Variants in NIM1K observed in about 807,000 individuals in gnomAD.
The protein encoded by NIM1K is NIM1 serine/threonine protein kinase.
A neutral mutation model predicts 37.1 loss-of-function variants in NIM1K; 35 were observed. The ratio of observed to expected loss-of-function variants is 0.94; its 90% CI spans 0.72 to 1.25. NIM1K has a LOEUF of 1.25. NIM1K is among the 50% of genes most tolerant of loss of function. The probability of loss-of-function intolerance (pLI) is 0.00; values close to 1 mark genes in which losing one functional copy is unlikely to be tolerated. For missense variants in NIM1K, 564 were observed against 548.0 expected (o/e 1.03, Z -0.29); for synonymous variants, 234 against 206.6 (o/e 1.13, Z -1.14).
At chr5:43,259,105 C>T (rs1266226519) in intron 2 of NIM1K, among the ~76,000 whole-genome samples, 1 of 152,156 alleles carries the variant, frequency 6.6e-6, no homozygotes, top group Non-Finnish European at 1.5e-5. Flanking sequence ...TTTTTCATAG[C>T]TGAGTAGTAT....
chr5:43,249,931 C>T (rs1044618587), intron 2 of NIM1K, among the ~76,000 whole-genome samples: 1 of 144,184 alleles, frequency 6.9e-6, no homozygotes, highest in Non-Finnish European at 1.5e-5. Context: ...TGGCTCACTG[C>T]AAGCTCTGCC....
intron 2 of NIM1K, among the ~76,000 whole-genome samples, chr5:43,261,693 G>A (rs987920423): frequency 5.3e-5 from 8 of 152,036 alleles, no homozygotes; most frequent in Admixed American, 4.6e-4. Flanking sequence ...CCATGCCTAT[G>A]TCCTGAATGG....
intron 2 of NIM1K, among the ~76,000 whole-genome samples, chr5:43,251,071 T>C (rs988109886): frequency 4.6e-5 from 7 of 152,236 alleles, no homozygotes; most frequent in African/African-American, 1.7e-4. Context: ...ACATGACATA[T>C]AGTAACCACT....
chr5:43,267,253 G>A (rs184664673), intron 2 of NIM1K, among the ~76,000 whole-genome samples: 1 of 152,270 alleles, frequency 6.6e-6, no homozygotes, highest in Admixed American at 6.5e-5. Flanking sequence ...GAATAGAGAT[G>A]TTCATAGTAA....
chr5:43,267,398 A>T (rs1215163090), intron 2 of NIM1K, among the ~76,000 whole-genome samples: 1 of 152,146 alleles, frequency 6.6e-6, no homozygotes, highest in East Asian at 1.9e-4. Flanking sequence ...ATCTTTTCAA[A>T]GAACCAACTT....
At position 43,215,794 on chromosome 5, in the gene NIM1K, A is replaced by G. The variant is rs1199220169; in HGVS notation, c.-695+23383A>G. Among the ~76,000 whole-genome samples, 3 of 152,192 alleles carry G rather than the reference A, an allele frequency of 2.0e-5. No individual in the cohort carries two copies. In the East Asian group the frequency reaches 5.8e-4, roughly 29 times the overall value. On this transcript the variant is annotated intron_variant, in intron 1 of 3. Coordinates refer to ENST00000326035, the MANE Select transcript of NIM1K (RefSeq NM_153361.4). ...TTCCCAAGCCAAGTAGACCTGCATGAGCTTTGACTTCATGATTCTTGTTCT... is the reference window on the plus strand; with the variant it reads ...TTCCCAAGCCAAGTAGACCTGCATGGGCTTTGACTTCATGATTCTTGTTCT...
chr5:43,207,136 T>C, intron 1 of NIM1K: 2 of 722,720 alleles, frequency 2.8e-6, no homozygotes, highest in Non-Finnish European at 5.2e-6. Flanking sequence ...CTTATCAAAA[T>C]ATAAAAATTC....
At chr5:43,223,104 A>AGC (rs1252696764) in intron 1 of NIM1K, among the ~76,000 whole-genome samples, 1 of 143,570 alleles carries the variant, frequency 7.0e-6, no homozygotes, top group Non-Finnish European at 1.5e-5. Context: ...GTGCCACTGC[A>AGC]CTCCAGCCGT....
intron 2 of NIM1K, among the ~76,000 whole-genome samples, chr5:43,273,226 T>C (rs923807849): frequency 6.6e-6 from 1 of 150,576 alleles, no homozygotes; most frequent in African/African-American, 2.5e-5. Context: ...TTTTTTGAGG[T>C]GGAGTCTCAC....
At chr5:43,261,451 G>A (rs186678498) in intron 2 of NIM1K, among the ~76,000 whole-genome samples, 473 of 152,124 alleles carry the variant, frequency 3.1e-3, no homozygotes, top group Non-Finnish European at 5.6e-3. Context: ...TTTTTGATGC[G>A]GTTGCTTGTT....
chr5:43,255,929 G>GT (rs1199306830), intron 2 of NIM1K, among the ~76,000 whole-genome samples: 3 of 151,570 alleles, frequency 2.0e-5, no homozygotes, highest in Non-Finnish European at 2.9e-5. Flanking sequence ...CGTAGCAGGC[G>GT]TAAGAGTGTC....
intron 1 of NIM1K, among the ~76,000 whole-genome samples, chr5:43,219,784 G>A (rs888197516): frequency 4.0e-5 from 6 of 151,840 alleles, no homozygotes; most frequent in African/African-American, 1.2e-4. Context: ...GTGCAATGGT[G>A]CAGTCTTAGC....
Position 43,228,657 on chromosome 5 carries a change from T to G in NIM1K, c.-694-16425T>G, listed in dbSNP as rs557277831. The stretch of plus-strand genomic sequence containing the variant: ...CTGGCCAACATGGCAAAACCCTGTC[T>G]CTACAAAAAAAAAAACCCTAAAAAT... On this transcript the variant is annotated intron_variant, in intron 1 of 3. Transcript: ENST00000326035. Among the ~76,000 whole-genome samples, 272 of 146,056 alleles carry G rather than the reference T, an allele frequency of 1.9e-3. 1 individual carries two copies. Among genetic ancestry groups the G allele is most frequent in the African/African-American group, 6.6e-3 (268 of 40,324 alleles).
At chr5:43,197,112 A>G (rs1034919917) in intron 1 of NIM1K, among the ~76,000 whole-genome samples, 2 of 149,758 alleles carry the variant, frequency 1.3e-5, no homozygotes, top group Non-Finnish European at 3.0e-5. Context: ...TCAATTTTGG[A>G]CAGAATCTAT....
chr5:43,244,108 A>G (rs1030174298), intron 1 of NIM1K, among the ~76,000 whole-genome samples: 1 of 152,218 alleles, frequency 6.6e-6, no homozygotes, highest in Non-Finnish European at 1.5e-5. Flanking sequence ...AACCTTAAGT[A>G]TAAGCTTAGG....
chr5:43,222,981 A>G (rs1752402881), intron 1 of NIM1K, among the ~76,000 whole-genome samples: 1 of 151,886 alleles, frequency 6.6e-6, no homozygotes, highest in Non-Finnish European at 1.5e-5. Context: ...TCTACTAAAA[A>G]TACAAAAATT....
intron 2 of NIM1K, among the ~76,000 whole-genome samples, chr5:43,256,273 A>G (rs1447217368): frequency 6.6e-6 from 1 of 152,026 alleles, no homozygotes; most frequent in Non-Finnish European, 1.5e-5. Context: ...CAAGAGATGA[A>G]GGTGGTTTGG....
At chr5:43,232,424 A>G in intron 1 of NIM1K, 1 of 1,470,154 alleles carries the variant, frequency 6.8e-7, no homozygotes, top group Non-Finnish European at 9.5e-7. Flanking sequence ...TGTCAGATCA[A>G]CATTCAGGAC....
intron 1 of NIM1K, chr5:43,232,466 G>C: frequency 6.7e-7 from 1 of 1,495,110 alleles, no homozygotes; most frequent in Non-Finnish European, 9.3e-7. Context: ...AGTGATGGAG[G>C]ACACAATTTG....
Sources: allele counts gnomAD v4.1 joint callset (sites outside exome capture counted in the v4.1 genomes callset), GRCh38; gene constraint gnomAD v4.1.1; transcripts MANE v1.5; gene names NCBI Gene and HGNC (gene_info 2026-07-23, HGNC 2026-07-21).